TRIM36: variants seen among roughly 807,000 people sequenced by gnomAD.
TRIM36 encodes E3 ubiquitin-protein ligase TRIM36.
In TRIM36, 42 loss-of-function variants were observed where a neutral mutation model predicts 72.4. The observed-to-expected ratio is 0.58, with a 90% CI of 0.45 to 0.75. TRIM36 has a LOEUF of 0.75. Ranked by LOEUF, TRIM36 falls within the 30% of genes least tolerant of loss-of-function variation. The pLI, the probability that TRIM36 is intolerant of heterozygous loss-of-function variation, is 0.00. For synonymous variants in TRIM36, 315 were observed against 282.8 expected (o/e 1.11, Z -1.14); for missense variants, 913 against 857.1 (o/e 1.07, Z -0.81).
At chr5:115,176,092 C>T (rs1432802682) in intron 1 of TRIM36, among the ~76,000 whole-genome samples, 16 of 151,950 alleles carry the variant, frequency 1.1e-4, no homozygotes, top group Admixed American at 6.6e-4. Context: ...CACCACTGCA[C>T]GCCAGCCTGG....
chr5:115,149,522 T>C (rs1351146962), intron 2 of TRIM36: 1 of 138,234 alleles, frequency 7.2e-6, no homozygotes, highest in Non-Finnish European at 1.5e-5. Context: ...AAAATCAAGC[T>C]TTAACATGTA....
chr5:115,128,369 C>CAAAAA (rs61003916), intron 9 of TRIM36, among the ~76,000 whole-genome samples: 1 of 139,512 alleles, frequency 7.2e-6, no homozygotes, highest in Non-Finnish European at 1.6e-5. Context: ...AACTCCATCT[C>CAAAAA]AAAAAAAAAA....
At chr5:115,172,862 A>G (rs1270794008), upstream of TRIM36, among the ~76,000 whole-genome samples, 1 of 152,216 alleles carries the variant, frequency 6.6e-6, no homozygotes, top group African/African-American at 2.4e-5. Context: ...TATGATAACC[A>G]TTGTGGAGAA....
intron 1 of TRIM36, among the ~76,000 whole-genome samples, chr5:115,166,535 A>C (rs1333578115): frequency 1.3e-5 from 2 of 152,214 alleles, no homozygotes; most frequent in Non-Finnish European, 2.9e-5. Context: ...TCTTTTGCTC[A>C]ATAAAGCACC....
At chr5:115,168,773 G>A (rs1024745727) in intron 1 of TRIM36, among the ~76,000 whole-genome samples, 5 of 152,162 alleles carry the variant, frequency 3.3e-5, no homozygotes, top group African/African-American at 1.2e-4. Context: ...CAAAGGGTTT[G>A]GCACCTAATT....
intron 2 of TRIM36, among the ~76,000 whole-genome samples, chr5:115,147,790 T>A (rs189903289): frequency 2.6e-4 from 39 of 152,342 alleles, no homozygotes; most frequent in African/African-American, 8.9e-4. Flanking sequence ...CAGTCTTTGC[T>A]GACTGACAGG....
chr5:115,178,498 G>T (rs147429533), intron 1 of TRIM36, among the ~76,000 whole-genome samples: 1 of 152,218 alleles, frequency 6.6e-6, no homozygotes, highest in East Asian at 1.9e-4. Context: ...TCTCTTATCA[G>T]GACTTCTCTT....
At chr5:115,149,968 C>A (rs753329997) in intron 2 of TRIM36, among the ~76,000 whole-genome samples, 78 of 152,102 alleles carry the variant, frequency 5.1e-4, no homozygotes, top group Non-Finnish European at 8.8e-4. Context: ...ACCATGTTAG[C>A]CAGGATGGTC....
chr5:115,128,089 T>TGC (rs138843533), intron 9 of TRIM36, among the ~76,000 whole-genome samples: 3 of 146,508 alleles, frequency 2.0e-5, no homozygotes, highest in Non-Finnish European at 3.0e-5. Context: ...TAAAAAAAAT[T>TGC]GGGGGGGGCC....
chr5:115,180,287 A>C, upstream of TRIM36: 1 of 369,120 alleles, frequency 2.7e-6, no homozygotes, highest in Non-Finnish European at 4.9e-6. Context: ...TGCGCGATCT[A>C]ACGGAACAAA....
intron 9 of TRIM36, among the ~76,000 whole-genome samples, chr5:115,129,756 T>C (rs1752549498): frequency 6.6e-6 from 1 of 152,218 alleles, no homozygotes; most frequent in Non-Finnish European, 1.5e-5. Context: ...TTTTCACCTT[T>C]ATCATAAAAC....
intron 2 of TRIM36, among the ~76,000 whole-genome samples, chr5:115,155,074 A>T (rs1326703254): frequency 1.3e-5 from 2 of 152,174 alleles, no homozygotes; most frequent in African/African-American, 4.8e-5. Flanking sequence ...TTGTAATCCC[A>T]GCTACTCGGG....
chr5:115,163,206 C>A (rs958623874), intron 2 of TRIM36, among the ~76,000 whole-genome samples: 2 of 152,162 alleles, frequency 1.3e-5, no homozygotes. Flanking sequence ...ATCCACCCGA[C>A]ATGGCCTCCC....
intron 3 of TRIM36, among the ~76,000 whole-genome samples, chr5:115,145,230 T>C (rs914182217): frequency 4.6e-5 from 7 of 152,230 alleles, no homozygotes; most frequent in African/African-American, 1.7e-4. Context: ...GAAAACTTTA[T>C]AAGCTTCTAG....
intron 2 of TRIM36, among the ~76,000 whole-genome samples, chr5:115,161,195 T>TAA (rs200394718): frequency 2.4e-4 from 35 of 148,272 alleles, no homozygotes; most frequent in Non-Finnish European, 1.9e-4. Context: ...TATGTGTCTT[T>TAA]AAAAAAAAAA....
chr5:115,155,375 G>A (rs1035603116), intron 2 of TRIM36, among the ~76,000 whole-genome samples: 4 of 151,814 alleles, frequency 2.6e-5, no homozygotes, highest in African/African-American at 7.3e-5. Flanking sequence ...AATAAACTAC[G>A]GACCAATATC....
intron 2 of TRIM36, among the ~76,000 whole-genome samples, chr5:115,162,700 A>G (rs546607995): frequency 3.9e-4 from 60 of 152,236 alleles, no homozygotes; most frequent in Admixed American, 3.0e-3. Flanking sequence ...ATGAAGATCT[A>G]CCAGCAGAAT....
intron 9 of TRIM36, among the ~76,000 whole-genome samples, chr5:115,128,089 TG>T (rs33958940): frequency 1.4e-5 from 2 of 146,616 alleles, no homozygotes; most frequent in East Asian, 4.0e-4. Flanking sequence ...TAAAAAAAAT[TG>T]GGGGGGGCCA....
intron 2 of TRIM36, among the ~76,000 whole-genome samples, 183 bp downstream of exon 2, chr5:115,163,335 G>A (rs1200756751): frequency 6.6e-6 from 1 of 152,184 alleles, no homozygotes; most frequent in Non-Finnish European, 1.5e-5. Flanking sequence ...TGTATCAAAA[G>A]ACGAGAGTTC....
Sources: gnomAD v4.1 joint callset for allele counts (sites outside exome capture counted in the v4.1 genomes callset) on GRCh38, gnomAD v4.1.1 for gene constraint, MANE v1.5 for transcripts, NCBI Gene and HGNC (gene_info 2026-07-23, HGNC 2026-07-21) for gene names.